RNGTT: variants seen among roughly 807,000 people sequenced by gnomAD.
RNGTT encodes the protein mRNA-capping enzyme.
Under a neutral mutation model 79.3 loss-of-function variants are expected in RNGTT, and 33 were observed. The observed-to-expected ratio is 0.42, with a 90% CI of 0.32 to 0.56. The LOEUF (loss-of-function observed/expected upper bound fraction) is 0.56, where lower values mean the gene tolerates loss of function less well. Among genes scored for constraint, RNGTT ranks in the 20% least tolerant of loss-of-function variants. RNGTT has a pLI of 0.17. For missense variants in RNGTT, 497 were observed against 739.1 expected, an observed-to-expected ratio of 0.67 and a Z score of 3.80; for synonymous variants, 222 against 235.9, an observed-to-expected ratio of 0.94 and a Z score of 0.54.
intron 13 of RNGTT, among the ~76,000 whole-genome samples, chr6:88,678,692 G>A (rs1774977756): frequency 6.6e-6 from 1 of 152,114 alleles, no homozygotes; most frequent in Non-Finnish European, 1.5e-5. Context: ...ACTGAAGCAG[G>A]AGGATTGCTT....
At chr6:88,910,708 A>T (rs1300089044) in intron 4 of RNGTT, among the ~76,000 whole-genome samples, 4 of 152,242 alleles carry the variant, frequency 2.6e-5, no homozygotes, top group Admixed American at 2.6e-4. Context: ...TCCAAGGTCT[A>T]TGTAAAAGAA....
chr6:88,751,102 G>C (rs368048933), intron 13 of RNGTT, among the ~76,000 whole-genome samples: 7 of 152,118 alleles, frequency 4.6e-5, no homozygotes, highest in African/African-American at 1.4e-4. Context: ...CTGCTACTTA[G>C]AACAATGAAA....
At chr6:88,828,964 C>G (rs1027809690) in intron 11 of RNGTT, among the ~76,000 whole-genome samples, 4 of 152,148 alleles carry the variant, frequency 2.6e-5, no homozygotes, top group African/African-American at 9.7e-5. Context: ...AAACCCTCTT[C>G]AGGATATTAT....
intron 12 of RNGTT, among the ~76,000 whole-genome samples, chr6:88,770,130 C>T (rs1178585977): frequency 1.3e-5 from 2 of 152,166 alleles, no homozygotes; most frequent in Non-Finnish European, 2.9e-5. Context: ...TCCAACCTTC[C>T]TATGACTTAA....
intron 13 of RNGTT, among the ~76,000 whole-genome samples, chr6:88,732,964 A>G (rs958168384): frequency 1.3e-5 from 2 of 152,224 alleles, no homozygotes; most frequent in African/African-American, 4.8e-5. Context: ...CAGTTTTTAT[A>G]TTTTACCACA....
chr6:88,735,109 C>T (rs1392184605), intron 13 of RNGTT, among the ~76,000 whole-genome samples: 4 of 152,004 alleles, frequency 2.6e-5, no homozygotes, highest in Non-Finnish European at 5.9e-5. Context: ...TAATGATAAA[C>T]GGGTCAATTC....
intron 11 of RNGTT, among the ~76,000 whole-genome samples, chr6:88,834,428 T>C (rs1355263105): frequency 6.6e-6 from 1 of 152,224 alleles, no homozygotes; most frequent in African/African-American, 2.4e-5. Flanking sequence ...ATAGACTAGA[T>C]AATGCAAAAC....
chr6:88,629,586 G>T (rs953520891), intron 14 of RNGTT, among the ~76,000 whole-genome samples: 12 of 152,058 alleles, frequency 7.9e-5, no homozygotes, highest in Non-Finnish European at 1.6e-4. Context: ...AGGAGAATGT[G>T]TTCTAGTGGG....
intron 14 of RNGTT, among the ~76,000 whole-genome samples, chr6:88,642,421 G>C (rs1054637425): frequency 1.3e-5 from 2 of 152,136 alleles, no homozygotes; most frequent in African/African-American, 4.8e-5. Context: ...ATAAATGCTT[G>C]CTTTAAAAAG....
At chr6:88,670,562 AAAG>A (rs1774597701) in intron 14 of RNGTT, among the ~76,000 whole-genome samples, 1 of 152,226 alleles carries the variant, frequency 6.6e-6, no homozygotes, top group Non-Finnish European at 1.5e-5. Flanking sequence ...AAAGTTAAAA[AAAG>A]AAGCAGAAGT....
At chr6:88,836,682 C>T (rs151326633) in intron 11 of RNGTT, among the ~76,000 whole-genome samples, 1,690 of 152,128 alleles carry the variant, frequency 0.011, 21 homozygotes, top group Non-Finnish European at 0.017. Context: ...GTCAAGGCTG[C>T]AGTGAGTTGT....
intron 14 of RNGTT, among the ~76,000 whole-genome samples, chr6:88,662,169 GA>G (rs1205714688): frequency 1.3e-5 from 2 of 152,178 alleles, no homozygotes; most frequent in Non-Finnish European, 1.5e-5. Flanking sequence ...TAAGGAAGTA[GA>G]CCACCTCTCC....
rs745412271 is a variant in RNGTT, at chr6:88,844,512, C to T, written c.1114G>A (p.Val372Ile). Residue 372 changes from valine (V) to isoleucine (I), a missense_variant, in exon 11 of 16, where the codon GTT becomes ATT. Around this residue, in one of 3 missense-constraint regions of RNGTT, gnomAD observed 440 missense variants for 671.5 expected, o/e 0.66. Transcript: ENST00000369485. ...CGAACATTAAAATCACAATCTCCAA[C>T]GGGCTGTGACTGAATTAAATAAAGA... ...YDIIKFNSQP[V>I]GDCDFNVRLQ... The T allele has an allele frequency of 5.6e-6, 9 of 1,600,238 alleles. No individual in the cohort carries two copies. Among genetic ancestry groups the T allele is most frequent in the African/African-American group, 2.7e-5 (2 of 73,928 alleles).
intron 10 of RNGTT, 52 bp downstream of exon 10, chr6:88,849,703 T>C (rs1001821559): frequency 6.2e-6 from 9 of 1,443,392 alleles, no homozygotes; most frequent in Non-Finnish European, 8.3e-6. Context: ...TTGTCAAAAA[T>C]ACATTCATTA....
At chr6:88,936,663 G>A (rs190879750) in intron 2 of RNGTT, among the ~76,000 whole-genome samples, 1 of 152,256 alleles carries the variant, frequency 6.6e-6, no homozygotes, top group East Asian at 1.9e-4. Context: ...TTCTATTGAT[G>A]TAATGTATCA....
intron 12 of RNGTT, among the ~76,000 whole-genome samples, chr6:88,771,350 T>TATATATATACAC (rs376503141): frequency 3.4e-5 from 4 of 116,256 alleles, no homozygotes; most frequent in African/African-American, 7.7e-5. Flanking sequence ...TATATATATA[T>TATATATATACAC]ACACACACAC....
intron 8 of RNGTT, among the ~76,000 whole-genome samples, chr6:88,857,964 T>C (rs1582550304): frequency 6.6e-6 from 1 of 152,198 alleles, no homozygotes; most frequent in East Asian, 1.9e-4. Flanking sequence ...ATGTAGTCTA[T>C]AATCAGACCC....
At chr6:88,677,055 C>CA (rs1033672666) in intron 14 of RNGTT, among the ~76,000 whole-genome samples, 8 of 151,654 alleles carry the variant, frequency 5.3e-5, no homozygotes, top group African/African-American at 1.7e-4. Flanking sequence ...CTACTAATGG[C>CA]AAAAAAACAC....
At chr6:88,943,789 C>G (rs1194792584) in intron 1 of RNGTT, among the ~76,000 whole-genome samples, 1 of 152,164 alleles carries the variant, frequency 6.6e-6, no homozygotes, top group Non-Finnish European at 1.5e-5. Flanking sequence ...ACATCAGAGC[C>G]CACAGTGGAT....
Sources: gnomAD v4.1 joint callset for allele counts (sites outside exome capture counted in the v4.1 genomes callset) on GRCh38, gnomAD v4.1.1 for gene constraint, gnomAD v4.1.1 regional missense constraint, MANE v1.5 for transcripts, NCBI Gene and HGNC (gene_info 2026-07-23, HGNC 2026-07-21) for gene names.